The following TNRC6B variants were observed in gnomAD, a reference collection of about 807,000 sequenced individuals.
TNRC6B encodes trinucleotide repeat-containing gene 6B protein.
Under a neutral mutation model 203.6 loss-of-function variants are expected in TNRC6B, and 52 were observed. The ratio of observed to expected loss-of-function variants is 0.26; its 90% confidence interval spans 0.20 to 0.32. TNRC6B has a LOEUF of 0.32. TNRC6B is among the 10% of genes least tolerant of loss of function. The pLI, the probability that TNRC6B is intolerant of heterozygous loss-of-function variation, is 1.00. For synonymous variants in TNRC6B, 838 were observed against 845.7 expected (o/e 0.99, Z 0.16); for missense variants, 1,923 against 2,286.2 (o/e 0.84, Z 3.24).
rs181510156 is a variant in TNRC6B at position 40,329,694 on chromosome 22, G to C, written c.*6453G>C. 6.6e-6 allele frequency: 1 copy of C among 152,060 alleles called. No homozygotes were observed. The highest frequency in any genetic ancestry group is 1.5e-5 in the Non-Finnish European group (1 of 68,022). 9.4% of individuals were successfully genotyped at this position (152,060 alleles called of 1,614,324 possible). A position where few individuals can be genotyped will look rare whatever the true frequency, so the allele number is the denominator to read the frequency against. ...CTCAGCACCCACACTGCCCGCATGC[G>C]TGTGGCCACCGGGACCAGATCCCGA... On this transcript the variant is annotated 3_prime_UTR_variant, in exon 23 of 23. Coordinates refer to ENST00000454349, the MANE Select transcript of TNRC6B (RefSeq NM_001162501.2).
At chr22:40,137,956 C>G (rs545418222) in intron 3 of TNRC6B, among the ~76,000 whole-genome samples, 1 of 150,194 alleles carries the variant, frequency 6.7e-6, no homozygotes, top group African/African-American at 2.5e-5. Flanking sequence ...ACACTCCAGC[C>G]TGGACAACAA....
intron 7 of TNRC6B, among the ~76,000 whole-genome samples, chr22:40,273,904 T>G (rs538716380): frequency 3.9e-5 from 6 of 152,134 alleles, no homozygotes; most frequent in Non-Finnish European, 8.8e-5. Flanking sequence ...GCCTTGTCCT[T>G]CCAAAGTGCT....
intron 3 of TNRC6B, among the ~76,000 whole-genome samples, chr22:40,150,564 A>G (rs1344233754): frequency 6.6e-6 from 1 of 152,214 alleles, no homozygotes; most frequent in Non-Finnish European, 1.5e-5. Context: ...GGCCCCAGAT[A>G]CGCTTTCCTC....
chr22:40,180,089 CTA>C, intron 1 of TNRC6B, among the ~76,000 whole-genome samples: 1 of 152,212 alleles, frequency 6.6e-6, no homozygotes, highest in East Asian at 1.9e-4. Context: ...AAAGTTGTCT[CTA>C]AATTTTTTTA....
intron 1 of TNRC6B, among the ~76,000 whole-genome samples, chr22:40,051,987 G>A (rs2067749558): frequency 1.3e-5 from 2 of 152,166 alleles, no homozygotes. Flanking sequence ...GTAGCCACAT[G>A]TGGCTAGTGG....
chr22:40,125,841 A>G (rs764313622), exon 3 of TNRC6B: 13 of 1,612,690 alleles, frequency 8.1e-6, no homozygotes, highest in Non-Finnish European at 1.1e-5. Context: ...AGGGAGAAGT[A>G]TCGGAAGAAA....
chr22:40,175,690 T>C (rs2069049649), upstream of TNRC6B, among the ~76,000 whole-genome samples: 1 of 152,214 alleles, frequency 6.6e-6, no homozygotes, highest in Non-Finnish European at 1.5e-5. Flanking sequence ...GACTAAATAA[T>C]CAGAATTTCC....
upstream of TNRC6B, among the ~76,000 whole-genome samples, chr22:40,177,681 A>G (rs1162213855): frequency 6.6e-6 from 1 of 152,214 alleles, no homozygotes; most frequent in African/African-American, 2.4e-5. Flanking sequence ...ATATTTCTAT[A>G]AACCAATAAA....
intron 4 of TNRC6B, among the ~76,000 whole-genome samples, chr22:40,263,182 G>C (rs1047678571): frequency 6.6e-6 from 1 of 152,156 alleles, no homozygotes; most frequent in African/African-American, 2.4e-5. Context: ...AAAATTCAGA[G>C]CTTGAATACC....
chr22:40,098,516 T>C (rs1381857410), intron 1 of TNRC6B, among the ~76,000 whole-genome samples: 1 of 152,056 alleles, frequency 6.6e-6, no homozygotes, highest in Non-Finnish European at 1.5e-5. Flanking sequence ...TGATCGTGCC[T>C]GTCTACACAC....
At chr22:40,060,698 A>G (rs969862398) in intron 1 of TNRC6B, among the ~76,000 whole-genome samples, 1 of 152,234 alleles carries the variant, frequency 6.6e-6, no homozygotes, top group African/African-American at 2.4e-5. Flanking sequence ...AGGTGCTGGT[A>G]GAAGCCAGGT....
At chr22:40,186,442 A>G (rs945782604) in intron 1 of TNRC6B, among the ~76,000 whole-genome samples, 15 of 151,936 alleles carry the variant, frequency 9.9e-5, no homozygotes, top group Non-Finnish European at 2.9e-5. Flanking sequence ...CAGGAGTCAC[A>G]TTAAAAAAGT....
intron 1 of TNRC6B, among the ~76,000 whole-genome samples, chr22:40,056,636 A>C (rs2067798671): frequency 6.6e-6 from 1 of 152,034 alleles, no homozygotes; most frequent in African/African-American, 2.4e-5. Context: ...CTCTACAAAA[A>C]ATGTTTTAAA....
At chr22:40,139,653 A>G (rs11089973) in intron 3 of TNRC6B, among the ~76,000 whole-genome samples, 27,473 of 152,206 alleles carry the variant, frequency 0.18, 3,274 homozygotes, top group Admixed American at 0.32. Flanking sequence ...TATATACTCA[A>G]CAGTTGATGA....
intron 1 of TNRC6B, among the ~76,000 whole-genome samples, chr22:40,231,057 A>G (rs138050): frequency 1.3e-5 from 2 of 151,540 alleles, no homozygotes; most frequent in African/African-American, 4.8e-5. Context: ...CTCTCTCTAT[A>G]TATATATATA....
At chr22:40,086,239 G>A (rs2068099141) in intron 1 of TNRC6B, among the ~76,000 whole-genome samples, 1 of 152,130 alleles carries the variant, frequency 6.6e-6, no homozygotes, top group African/African-American at 2.4e-5. Flanking sequence ...CAGATTAAAT[G>A]ATTGATTCTT....
At chr22:40,285,270 C>G (rs1377488817) in intron 11 of TNRC6B, among the ~76,000 whole-genome samples, 1 of 152,152 alleles carries the variant, frequency 6.6e-6, no homozygotes, top group East Asian at 1.9e-4. Flanking sequence ...TACTCAGGTG[C>G]CTTTCAAGAT....
intron 1 of TNRC6B, among the ~76,000 whole-genome samples, chr22:40,113,720 G>A (rs2068362926): frequency 6.6e-6 from 1 of 152,192 alleles, no homozygotes; most frequent in South Asian, 2.1e-4. Context: ...TTGTCCGCTT[G>A]GGCTGGGTGC....
intron 1 of TNRC6B, among the ~76,000 whole-genome samples, chr22:40,229,948 G>A (rs2069844234): frequency 6.6e-6 from 1 of 152,088 alleles, no homozygotes; most frequent in African/African-American, 2.4e-5. Flanking sequence ...TTGGACATAC[G>A]CTTTCTTTTC....
Sources: gnomAD v4.1 joint callset for allele counts (sites outside exome capture counted in the v4.1 genomes callset) on GRCh38, gnomAD v4.1.1 for gene constraint, MANE v1.5 for transcripts, NCBI Gene and HGNC (gene_info 2026-07-23, HGNC 2026-07-21) for gene names.